The following UBR1 variants were observed in gnomAD, a reference collection of about 807,000 sequenced individuals.
UBR1 encodes the protein ubiquitin protein ligase E3 component n-recognin 1.
In UBR1, 102 loss-of-function variants were observed where a neutral mutation model predicts 242.1. The observed-to-expected ratio is 0.42, with a 90% CI of 0.36 to 0.50. The LOEUF is 0.50. Ranked by LOEUF, UBR1 falls within the 20% of genes least tolerant of loss-of-function variation. The pLI is 0.01. For synonymous variants in UBR1, 675 were observed against 684.8 expected (o/e 0.99, Z 0.22); for missense variants, 1,772 against 2,101.8 (o/e 0.84, Z 3.07).
rs4923955 is a variant in UBR1 at position 43,002,890 on chromosome 15, G to A, written c.3510-186C>T. On this transcript the variant is annotated intron_variant, in intron 31 of 46. Transcript: ENST00000290650. ...GAAACAGGTTGCCCATTATTTTGGG[G>A]ACAAATTGGAAAATACATCAGAGCA... 0.83 allele frequency among the ~76,000 whole-genome samples: 125,680 copies of A among 152,150 alleles called. 52,384 individuals are homozygous for A. Among genetic ancestry groups the A allele is most frequent in the Non-Finnish European group, 0.89 (60,299 of 68,036 alleles).
At chr15:43,105,914 C>G (rs532451054) in intron 1 of UBR1, 28 bp downstream of exon 1, 2 of 1,609,638 alleles carry the variant, frequency 1.2e-6, no homozygotes, top group African/African-American at 2.7e-5. Context: ...GGGGGGAGGA[C>G]AAAAGAGACT....
intron 1 of UBR1, chr15:43,091,906 CA>C (rs58586323): frequency 0.13 from 23,236 of 176,244 alleles, 20 homozygotes; most frequent in African/African-American, 0.2. Flanking sequence ...TACACCATCT[CA>C]AAAAAAAAAA....
At position 42,972,866 on chromosome 15, in the gene UBR1, A is replaced by C. The variant is rs187796793; in HGVS notation, c.4370-2259T>G. Among the ~76,000 whole-genome samples, 97 of 152,348 alleles carry C rather than the reference A, an allele frequency of 6.4e-4. 1 individual carries two copies. Among genetic ancestry groups the C allele is most frequent in the African/African-American group, 2.2e-3 (92 of 41,586 alleles). The stretch of plus-strand genomic sequence containing the variant: ...TTAATTCATTTGGGTAAATACAAGA[A>C]GCATGACTGCTGGATCATATGGTAA... On this transcript the variant is annotated intron_variant, in intron 39 of 46. Transcript: ENST00000290650.
chr15:43,033,472 C>T (rs1230657415), intron 19 of UBR1, among the ~76,000 whole-genome samples: 1 of 151,856 alleles, frequency 6.6e-6, no homozygotes, highest in Non-Finnish European at 1.5e-5. Context: ...CGTGAAACCT[C>T]GTCTCTACTA....
chr15:43,071,077 T>A (rs1374467229), intron 4 of UBR1, 152 bp from the exon 5 acceptor site: 1 of 1,111,056 alleles, frequency 9.0e-7, no homozygotes, highest in African/African-American at 1.6e-5. Context: ...GGTTGCTATA[T>A]ATTTAGATCA....
At chr15:43,096,457 C>T (rs568739197) in intron 1 of UBR1, among the ~76,000 whole-genome samples, 30 of 152,124 alleles carry the variant, frequency 2.0e-4, no homozygotes, top group Non-Finnish European at 3.1e-4. Context: ...CCAACGCGCC[C>T]GGCCAGGCAA....
rs1464967921 is a variant in UBR1 at position 42,983,966 on chromosome 15, A to C, written c.4081T>G (p.Phe1361Val). 3 of 1,613,014 alleles carry C rather than the reference A, an allele frequency of 1.9e-6. No individual in the cohort carries two copies. The African/African-American group carries it at 4.0e-5, about 22-fold the overall frequency. Reference sequence around the variant, plus strand: ...CAGGTAATCCTCTGTGCAACTGCAAACTGCATTAATGCTTTCAGACCATTA... The same window carrying C: ...CAGGTAATCCTCTGTGCAACTGCAACCTGCATTAATGCTTTCAGACCATTA... ...QHNGLKALMQ[F>V]AVAQRITCPQ... is the part of the protein sequence containing the mutation. The change falls in exon 37 of 47, where the codon TTT becomes GTT. Residue 1361 changes from phenylalanine (F) to valine (V), a missense_variant. This residue lies in a region of UBR1 where 965 missense variants were observed against 1,079.7 expected (regional missense o/e 0.89). Coordinates refer to ENST00000290650, the MANE Select transcript of UBR1 (RefSeq NM_174916.3).
chr15:43,040,293 CCA>C (rs2033399770), intron 15 of UBR1, among the ~76,000 whole-genome samples: 1 of 152,092 alleles, frequency 6.6e-6, no homozygotes, highest in East Asian at 1.9e-4. Context: ...AGAAATGATA[CCA>C]CACATCTACA....
At chr15:42,992,412 G>A (rs2032570178) in intron 33 of UBR1, among the ~76,000 whole-genome samples, 2 of 152,162 alleles carry the variant, frequency 1.3e-5, no homozygotes, top group Admixed American at 1.3e-4. Context: ...AACATGAACA[G>A]TTTTAAAGTG....
intron 10 of UBR1, among the ~76,000 whole-genome samples, chr15:43,056,815 G>A (rs532644499): frequency 6.6e-6 from 1 of 152,126 alleles, no homozygotes; most frequent in Admixed American, 6.6e-5. Context: ...ATTGGGCAGG[G>A]AATATATTCA....
rs1442311785 is a variant in UBR1 at position 42,960,684 on chromosome 15, G to A, written c.4718C>T (p.Ala1573Val). 6.2e-7 allele frequency: 1 copy of A among 1,613,954 alleles called. No individual in the cohort carries two copies. The highest frequency in any genetic ancestry group is 1.7e-5 in the Admixed American group (1 of 60,008). The change falls in exon 43 of 47, where the codon GCC (alanine) becomes GTC (valine). Residue 1573 changes from alanine (A) to valine (V), a missense_variant. Around this residue, in one of 3 missense-constraint regions of UBR1, gnomAD observed 965 missense variants for 1,079.7 expected, o/e 0.89. Transcript: ENST00000290650. Reference protein sequence around the residue: ...PLLQRWCADPALLNCLKQKNT... With the variant: ...PLLQRWCADPVLLNCLKQKNT... ...TTTTTGCTTCAAACAGTTTAGTAAGGCAGGATCTGCACACCACCTGTATGT... is the reference window on the plus strand; with the variant it reads ...TTTTTGCTTCAAACAGTTTAGTAAGACAGGATCTGCACACCACCTGTATGT...
At chr15:43,004,578 G>A (rs972940008) in intron 30 of UBR1, among the ~76,000 whole-genome samples, 1 of 152,204 alleles carries the variant, frequency 6.6e-6, no homozygotes. Context: ...ACGGGGTTTC[G>A]CCCTGTTGGC....
chr15:42,947,179 C>T (rs1280594774), intron 46 of UBR1, among the ~76,000 whole-genome samples: 1 of 152,064 alleles, frequency 6.6e-6, no homozygotes, highest in Non-Finnish European at 1.5e-5. Flanking sequence ...GCAATGGAAA[C>T]AATATCTCTA....
intron 27 of UBR1, among the ~76,000 whole-genome samples, chr15:43,018,160 G>A (rs541345489): frequency 6.6e-6 from 1 of 151,524 alleles, no homozygotes; most frequent in East Asian, 2.0e-4. Flanking sequence ...CCGCCATAAC[G>A]CCCGGCTAAT....
chr15:43,020,158 G>A (rs537374096), intron 27 of UBR1, among the ~76,000 whole-genome samples: 5 of 152,228 alleles, frequency 3.3e-5, no homozygotes, highest in Admixed American at 6.5e-5. Flanking sequence ...TCCTGCCTCA[G>A]CCTCCCAAGT....
chr15:43,052,746 C>T (rs563171473), intron 12 of UBR1, among the ~76,000 whole-genome samples: 51 of 149,772 alleles, frequency 3.4e-4, no homozygotes, highest in Non-Finnish European at 5.2e-4. Flanking sequence ...ACTGAGAAAG[C>T]AATTAACACG....
intron 12 of UBR1, among the ~76,000 whole-genome samples, chr15:43,050,681 G>A (rs1278552354): frequency 6.7e-6 from 1 of 148,344 alleles, no homozygotes; most frequent in African/African-American, 2.5e-5. Flanking sequence ...CCAAGATAGT[G>A]CTACTGCATT....
intron 3 of UBR1, among the ~76,000 whole-genome samples, 194 bp downstream of exon 3, chr15:43,082,444 G>T (rs1265914629): frequency 6.6e-6 from 1 of 152,146 alleles, no homozygotes; most frequent in African/African-American, 2.4e-5. Flanking sequence ...CTGATCTTGA[G>T]TCTCCCTAAA....
chr15:43,015,606 C>T, intron 29 of UBR1, 82 bp downstream of exon 29: 1 of 1,453,668 alleles, frequency 6.9e-7, no homozygotes, highest in Non-Finnish European at 9.5e-7. Context: ...CCTGCCAAAT[C>T]CCCCTCTCGG....
Sources: allele counts gnomAD v4.1 joint callset (sites outside exome capture counted in the v4.1 genomes callset), GRCh38; gene constraint gnomAD v4.1.1; regional missense constraint gnomAD v4.1.1; transcripts MANE v1.5; gene names NCBI Gene and HGNC (gene_info 2026-07-23, HGNC 2026-07-21).